REN: variants seen among roughly 807,000 people sequenced by gnomAD.
REN encodes the protein angiotensin-forming enzyme.
A neutral mutation model predicts 48.6 loss-of-function variants in REN; 42 were observed. That is an observed-to-expected ratio of 0.86 (90% CI 0.68 to 1.12). The LOEUF is 1.12. Among genes scored for constraint, REN ranks in the 50% most tolerant of loss-of-function variants. The pLI, the probability that REN is intolerant of heterozygous loss-of-function variation, is 0.00. For synonymous variants in REN, 196 were observed against 204.6 expected (o/e 0.96, Z 0.36); for missense variants, 443 against 527.3 (o/e 0.84, Z 1.57).
chr1:204,156,567 T>A lies in REN; in HGVS notation c.818+110A>T, dbSNP rs570149145. 6.7e-7 allele frequency: 1 copy of A among 1,490,596 alleles called. No individual in the cohort carries two copies. The highest frequency in any genetic ancestry group is 9.3e-7 in the Non-Finnish European group (1 of 1,071,754). The allele number at this position is 1,490,596 out of a possible 1,614,324, so 92.3% of individuals were successfully genotyped here. A position where few individuals can be genotyped will look rare whatever the true frequency, so the allele number is the denominator to read the frequency against. ...GCAAATGGTGGCTGTGCTTAAGAAG[T>A]GGCTGCATTTGGAAAGAGGGCAGGA... On this transcript the variant is annotated intron_variant, in intron 7 of 9. Transcript: ENST00000272190. This position sits in a 1 kb window ranked among gnomAD's most constrained non-coding sequence, Gnocchi z 4.2.
chr1:204,159,463 T>A lies in REN; in HGVS notation c.625A>T (p.Ile209Phe). The A allele has an allele frequency of 6.2e-7, 1 of 1,614,152 alleles. No individual in the cohort carries two copies. The highest frequency in any genetic ancestry group is 1.1e-5 in the South Asian group (1 of 91,080). ...CCTTGGGAGATGATGTTGTCGAAGATAGGGGTGACCCTGCCAATGGCCTGT... is the reference window on the plus strand; with the variant it reads ...CCTTGGGAGATGATGTTGTCGAAGAAAGGGGTGACCCTGCCAATGGCCTGT... ...IEQAIGRVTPIFDNIISQGVL... is the reference protein window; with the variant it reads ...IEQAIGRVTPFFDNIISQGVL... The change falls in exon 5 of 10, where the codon ATC becomes TTC. Residue 209 changes from isoleucine (I) to phenylalanine (F), a missense_variant. Physicochemically the swap from Ile to Phe is conservative, Grantham distance 21. Transcript: ENST00000272190.
intron 5 of REN, 114 bp from the exon 6 acceptor site, chr1:204,157,483 T>G (rs915544247): frequency 6.8e-7 from 1 of 1,472,648 alleles, no homozygotes; most frequent in Non-Finnish European, 9.5e-7. Context: ...GGCAATGGAG[T>G]CACCAAGAGG....
In REN at chr1:204,162,002, C is replaced by G; in HGVS notation, c.249+11G>C. 6.2e-7 allele frequency: 1 copy of G among 1,614,022 alleles called. No individual in the cohort carries two copies. Among genetic ancestry groups the G allele is most frequent in the Non-Finnish European group, 8.5e-7 (1 of 1,179,906 alleles). ...ACAGGGAGGGAGCGAGGGGCTGAGC[C>G]AAGCACTCACGTCCATGTAGTTGGT... On this transcript the variant is annotated intron_variant, in intron 2 of 9. Coordinates refer to ENST00000272190, the MANE Select transcript of REN (RefSeq NM_000537.4).
chr1:204,163,344 CAG>C (rs760755385), intron 1 of REN, among the ~76,000 whole-genome samples: 4 of 152,162 alleles, frequency 2.6e-5, no homozygotes, highest in Non-Finnish European at 4.4e-5. Flanking sequence ...GGTATTGTAA[CAG>C]AAATGATTTG....
chr1:204,159,512 C>G lies in REN; in HGVS notation c.576G>C (p.Gly192=). 2 of 1,614,194 alleles carry G rather than the reference C, an allele frequency of 1.2e-6. No homozygotes were observed. Among genetic ancestry groups the G allele is most frequent in the Non-Finnish European group, 1.7e-6 (2 of 1,180,038 alleles). Reference sequence around the variant, plus strand: ...GTTCAATGAAGCCCATGCCCACAACCCCATCAAACTCGGCCAGCATGAAGG... The same window carrying G: ...GTTCAATGAAGCCCATGCCCACAACGCCATCAAACTCGGCCAGCATGAAGG... ...ALPFMLAEFD[G]VVGMGFIEQA... The change falls in exon 5 of 10, where the codon GGG becomes GGC. Residue 192 remains glycine, a synonymous_variant. Transcript: ENST00000272190.
At chr1:204,155,308 C>T in intron 9 of REN, 131 bp from the exon 10 acceptor site, 1 of 1,033,486 alleles carries the variant, frequency 9.7e-7, no homozygotes, top group Admixed American at 2.0e-5. Flanking sequence ...CCACACTGGG[C>T]CTCCCTCACA....
chr1:204,156,125 A>G lies in REN; in HGVS notation c.960+53T>C. On this transcript the variant is annotated intron_variant, in intron 8 of 9. Transcript: ENST00000272190. This position sits in a 1 kb window ranked among gnomAD's most constrained non-coding sequence, Gnocchi z 4.2. The stretch of plus-strand genomic sequence containing the variant: ...ATTTGCCTGGGGGATTTGTGAGCCG[A>G]TACCAGGTGGCGCTCCCCCCACCCA... The G allele has an allele frequency of 6.2e-7, 1 of 1,612,732 alleles. No individual in the cohort carries two copies.
At chr1:204,155,765 A>T in intron 9 of REN, 55 bp downstream of exon 9, 1 of 1,282,640 alleles carries the variant, frequency 7.8e-7, no homozygotes, top group Non-Finnish European at 1.1e-6. Flanking sequence ...TCACTCTTTG[A>T]GGGTCTCTGT....
chr1:204,158,316 C>T (rs573083164), intron 5 of REN, among the ~76,000 whole-genome samples: 23 of 152,262 alleles, frequency 1.5e-4, no homozygotes, highest in African/African-American at 5.3e-4. Context: ...ATCACCAAAC[C>T]GGAGACTCCT....
At chr1:204,155,245 C>A in intron 9 of REN, 68 bp from the exon 10 acceptor site, 1 of 1,567,222 alleles carries the variant, frequency 6.4e-7, no homozygotes. Flanking sequence ...TTGCCTGACC[C>A]CCAGCAACTG....
Position 204,162,101 on chromosome 1 carries a change from G to A in REN, c.161C>T (p.Ala54Val). Residue 54 changes from alanine to valine, a missense_variant, in exon 2 of 10, where the codon GCC becomes GTC. Ala to Val is a moderately conservative substitution (Grantham distance 64, BLOSUM62 0). Coordinates refer to ENST00000272190, the MANE Select transcript of REN (RefSeq NM_000537.4). ...TTGGCTCCACTCGGGACCAAGCCTG[G>A]CCATGTCCACACCTCGTTCCTTCAG... is the stretch of plus-strand genomic sequence containing the variant. ...ESLKERGVDM[A>V]RLGPEWSQPM... 6.2e-7 allele frequency: 1 copy of A among 1,614,114 alleles called. No homozygotes were observed. The highest frequency in any genetic ancestry group is 8.5e-7 in the Non-Finnish European group (1 of 1,180,008).
chr1:204,158,863 C>A (rs923949967), intron 5 of REN, among the ~76,000 whole-genome samples: 28 of 152,182 alleles, frequency 1.8e-4, no homozygotes, highest in African/African-American at 6.0e-4. Flanking sequence ...CACTGCTGCA[C>A]CCCCAGAGCC....
At chr1:204,157,297 T>C (rs1658167426) in intron 6 of REN, 64 bp downstream of exon 6, 2 of 1,610,284 alleles carry the variant, frequency 1.2e-6, no homozygotes, top group African/African-American at 1.3e-5. Flanking sequence ...GCGTGTGTAA[T>C]TCTAGGTCAG....
rs182671743 is a variant in REN, at chr1:204,160,529, G to A, written c.492+31C>T. 9.2e-5 allele frequency: 134 copies of A among 1,459,528 alleles called. 1 individual carries two copies. Among genetic ancestry groups the A allele is most frequent in the Middle Eastern group, 3.5e-4 (2 of 5,770 alleles). The allele number at this position is 1,459,528 out of a possible 1,614,324, so 90.4% of individuals were successfully genotyped here. ...AGAGGCCTGGGGACAGAAGGGGTCC[G>A]GGGCAGATGACCTAGGGCGGCCCAA... On this transcript the variant is annotated intron_variant, in intron 4 of 9. Transcript: ENST00000272190.
intron 4 of REN, among the ~76,000 whole-genome samples, chr1:204,159,928 C>G (rs1283415538): frequency 6.6e-6 from 1 of 152,204 alleles, no homozygotes; most frequent in African/African-American, 2.4e-5. Flanking sequence ...GGCCCCCACC[C>G]TTATCATGGG....
At chr1:204,155,381 C>T (rs1327945088) in intron 9 of REN, among the ~76,000 whole-genome samples, 1 of 152,194 alleles carries the variant, frequency 6.6e-6, no homozygotes, top group Non-Finnish European at 1.5e-5. Flanking sequence ...GTGCTAGATC[C>T]CAGGCAAACA....
At position 204,156,748 on chromosome 1, in the gene REN, G is replaced by C. The variant is rs1658157926; in HGVS notation, c.747C>G (p.Pro249=). The C allele has an allele frequency of 1.9e-6, 3 of 1,614,038 alleles. No individual in the cohort carries two copies. The highest frequency in any genetic ancestry group is 2.5e-6 in the Non-Finnish European group (3 of 1,179,980). ...GGQIVLGGSD[P]QHYEGNFHYI... ...AGTGGAAATTCCCTTCGTAATGCTG[G>C]GGGTCGCTGCCTCCCAGCACAATCT... Residue 249 remains proline (P), a synonymous_variant, in exon 7 of 10, where the codon CCC becomes CCG. Transcript: ENST00000272190. The surrounding 1 kb of genome is among the most constrained non-coding windows in gnomAD (Gnocchi z 4.2).
rs545732136 is a variant in REN, at chr1:204,154,962, G to A, written c.*54C>T. ...CAGGCAGAGGGGCATCTCAGAGAGT[G>A]TTCCAGCTCTGGGCCAGGGCTGAAG... On this transcript the variant is annotated 3_prime_UTR_variant, in exon 10 of 10. Coordinates refer to ENST00000272190, the MANE Select transcript of REN (RefSeq NM_000537.4). 11 of 1,599,142 alleles carry A rather than the reference G, an allele frequency of 6.9e-6. No homozygotes were observed. In the African/African-American group the frequency reaches 1.3e-4, roughly 19 times the overall value.
At chr1:204,155,283 C>G in intron 9 of REN, 106 bp from the exon 10 acceptor site, 9 of 1,311,264 alleles carry the variant, frequency 6.9e-6, no homozygotes, top group Non-Finnish European at 9.8e-6. Context: ...CCTCTCGCCC[C>G]CATCTCTCCC....
Sources: gnomAD v4.1 joint callset for allele counts (sites outside exome capture counted in the v4.1 genomes callset) on GRCh38, gnomAD v4.1.1 for gene constraint, Gnocchi (gnomAD v3.1) non-coding constraint, MANE v1.5 for transcripts, NCBI Gene and HGNC (gene_info 2026-07-23, HGNC 2026-07-21) for gene names.